SYT16: variants seen among roughly 807,000 people sequenced by gnomAD.
SYT16 encodes the protein synaptotagmin 16.
In SYT16, 42 loss-of-function variants were observed where a neutral mutation model predicts 61.4. That is an observed-to-expected ratio of 0.68 (90% CI 0.53 to 0.89). SYT16 has a LOEUF of 0.89. SYT16 is among the 40% of genes least tolerant of loss of function. The pLI is 0.00. For missense variants in SYT16, 804 were observed against 807.3 expected (o/e 1.00, Z 0.05); for synonymous variants, 314 against 302.3 (o/e 1.04, Z -0.40).
intron 1 of SYT16, among the ~76,000 whole-genome samples, chr14:61,856,606 G>A (rs976831253): frequency 6.6e-6 from 1 of 152,068 alleles, no homozygotes; most frequent in South Asian, 2.1e-4. Flanking sequence ...TGAGGGTTGG[G>A]GATGAGTGGA....
At chr14:61,982,440 A>G (rs965274837) in intron 2 of SYT16, among the ~76,000 whole-genome samples, 1 of 152,186 alleles carries the variant, frequency 6.6e-6, no homozygotes, top group Non-Finnish European at 1.5e-5. Flanking sequence ...AGAGAGAATG[A>G]GAGCCAAATG....
intron 1 of SYT16, among the ~76,000 whole-genome samples, chr14:61,923,180 A>G (rs1222687398): frequency 2.0e-5 from 3 of 152,218 alleles, no homozygotes; most frequent in African/African-American, 7.2e-5. Flanking sequence ...GAATATTCCA[A>G]TTATTTGGGC....
intron 6 of SYT16, among the ~76,000 whole-genome samples, chr14:62,083,463 G>T (rs1382148062): frequency 6.6e-6 from 1 of 152,140 alleles, no homozygotes; most frequent in African/African-American, 2.4e-5. Flanking sequence ...CCCGTGCCTG[G>T]TGGGGAAGTG....
At chr14:61,824,554 G>A (rs1047666934) in intron 1 of SYT16, among the ~76,000 whole-genome samples, 2 of 152,046 alleles carry the variant, frequency 1.3e-5, no homozygotes, top group African/African-American at 2.4e-5. Context: ...GGGTTTCACT[G>A]TGTTAGCCAG....
rs116975652 is a variant in SYT16, at chr14:62,057,268, A to T, written c.524-12335A>T. ...TTCAGTCCAATCAAGTTGACACTCA[A>T]TATTAACCATCACAATAGGTAAACA... On this transcript the variant is annotated intron_variant, in intron 3 of 7. Coordinates refer to ENST00000683842, the MANE Select transcript of SYT16 (RefSeq NM_001367656.1). Among the ~76,000 whole-genome samples, 1,420 of 152,334 alleles carry T rather than the reference A, an allele frequency of 9.3e-3. 21 individuals carry two copies. Among genetic ancestry groups the T allele is most frequent in the Middle Eastern group, 0.037 (11 of 294 alleles).
At position 62,104,071 on chromosome 14, in the gene SYT16, A is replaced by G. The variant is rs2057470139; in HGVS notation, c.*3364A>G. 1 of 152,216 alleles carries G rather than the reference A, an allele frequency of 6.6e-6. No individual in the cohort carries two copies. The highest frequency in any genetic ancestry group is 6.5e-5 in the Admixed American group (1 of 15,282). 9.4% of individuals were successfully genotyped at this position (152,216 alleles called of 1,614,324 possible). A position where few individuals can be genotyped will look rare whatever the true frequency, so the allele number is the denominator to read the frequency against. ...AGAACCAAAATTCTTTTCTTTCCAG[A>G]TGAAGTACTATTTAAGTAGAAACTA... On this transcript the variant is annotated 3_prime_UTR_variant, in exon 8 of 8. Transcript: ENST00000683842.
At chr14:61,970,861 G>A (rs1348715270) in intron 2 of SYT16, among the ~76,000 whole-genome samples, 2 of 152,030 alleles carry the variant, frequency 1.3e-5, no homozygotes, top group East Asian at 3.9e-4. Context: ...TGTTCTTACA[G>A]AGGGATGGTT....
At chr14:61,971,876 T>C (rs1189736290) in intron 2 of SYT16, among the ~76,000 whole-genome samples, 1 of 152,218 alleles carries the variant, frequency 6.6e-6, no homozygotes, top group Non-Finnish European at 1.5e-5. Context: ...CTGGGACTTA[T>C]GAATGGTTTA....
intron 1 of SYT16, among the ~76,000 whole-genome samples, chr14:61,856,582 C>T (rs75943701): frequency 0.017 from 2,641 of 151,780 alleles, 73 homozygotes; most frequent in African/African-American, 0.059. Flanking sequence ...GTGGAAGGAG[C>T]GGGTTTGGGC....
intron 1 of SYT16, among the ~76,000 whole-genome samples, chr14:61,911,208 G>A (rs1292364577): frequency 1.3e-5 from 2 of 152,108 alleles, no homozygotes; most frequent in African/African-American, 4.8e-5. Context: ...CCCTGAAATG[G>A]TTGCAGAGGT....
At chr14:61,902,071 A>G (rs1356348820) in intron 1 of SYT16, among the ~76,000 whole-genome samples, 1 of 152,130 alleles carries the variant, frequency 6.6e-6, no homozygotes, top group Admixed American at 6.5e-5. Flanking sequence ...CCTGCTTATA[A>G]TTATTGAAAG....
At chr14:61,820,469 G>GTTTTTTTTTTTTTT (rs71117856) in intron 1 of SYT16, among the ~76,000 whole-genome samples, 2 of 61,090 alleles carry the variant, frequency 3.3e-5, no homozygotes, top group African/African-American at 6.9e-5. Context: ...CCTCTTCAGA[G>GTTTTTTTTTTTTTT]TTTTTTTTTT....
At chr14:61,851,297 A>T (rs1488603200) in intron 1 of SYT16, among the ~76,000 whole-genome samples, 2 of 152,108 alleles carry the variant, frequency 1.3e-5, no homozygotes, top group Non-Finnish European at 2.9e-5. Flanking sequence ...CATTTTCTTT[A>T]TCCAGTCTAT....
intron 7 of SYT16, among the ~76,000 whole-genome samples, chr14:62,085,800 C>T (rs1322797581): frequency 6.6e-6 from 1 of 152,200 alleles, no homozygotes; most frequent in Non-Finnish European, 1.5e-5. Context: ...ATTTAGAATG[C>T]ATAATAGATG....
chr14:61,908,573 T>C (rs1165284824), intron 1 of SYT16, among the ~76,000 whole-genome samples: 1 of 152,198 alleles, frequency 6.6e-6, no homozygotes, highest in Non-Finnish European at 1.5e-5. Flanking sequence ...GACGGTTTTG[T>C]TTCCTAATTT....
intron 3 of SYT16, among the ~76,000 whole-genome samples, chr14:62,023,410 A>G (rs555675286): frequency 6.6e-6 from 1 of 152,284 alleles, no homozygotes; most frequent in East Asian, 1.9e-4. Flanking sequence ...ATCTCTGCTT[A>G]GCTTTTTAGT....
At chr14:61,934,093 A>G (rs2049883697) in intron 1 of SYT16, among the ~76,000 whole-genome samples, 1 of 152,182 alleles carries the variant, frequency 6.6e-6, no homozygotes, top group Admixed American at 6.5e-5. Context: ...CTTTTTCTGT[A>G]TAAACTTTTC....
intron 3 of SYT16, among the ~76,000 whole-genome samples, chr14:62,034,891 T>C (rs1392478513): frequency 1.3e-5 from 2 of 152,206 alleles, no homozygotes; most frequent in Non-Finnish European, 2.9e-5. Flanking sequence ...TAAAAAAGGC[T>C]TCCTCACAAA....
At chr14:61,930,691 T>C (rs1376488862) in intron 1 of SYT16, among the ~76,000 whole-genome samples, 1 of 151,936 alleles carries the variant, frequency 6.6e-6, no homozygotes, top group Non-Finnish European at 1.5e-5. Flanking sequence ...GGCCTTTAAA[T>C]AGGGAAAGCA....
Sources: allele counts gnomAD v4.1 joint callset (sites outside exome capture counted in the v4.1 genomes callset), GRCh38; gene constraint gnomAD v4.1.1; transcripts MANE v1.5; gene names NCBI Gene and HGNC (gene_info 2026-07-23, HGNC 2026-07-21).